The following HIVEP2 variants were observed in gnomAD, a reference collection of about 807,000 sequenced individuals.
The protein encoded by HIVEP2 is transcription factor HIVEP2.
In HIVEP2, 14 loss-of-function variants were observed where a neutral mutation model predicts 180.7. The ratio of observed to expected loss-of-function variants is 0.08; its 90% CI spans 0.05 to 0.12. The LOEUF is 0.12. Ranked by LOEUF, HIVEP2 falls within the 10% of genes least tolerant of loss-of-function variation. The pLI is 1.00. For missense variants in HIVEP2, 2,579 were observed against 3,008.5 expected, an observed-to-expected ratio of 0.86 and a Z score of 3.34; for synonymous variants, 1,184 against 1,136.4, an observed-to-expected ratio of 1.04 and a Z score of -0.84.
chr6:142,889,116 A>G (rs1247728937), intron 1 of HIVEP2, among the ~76,000 whole-genome samples: 1 of 152,222 alleles, frequency 6.6e-6, no homozygotes, highest in Non-Finnish European at 1.5e-5. Flanking sequence ...CTCTCAGCAG[A>G]GTACCTGGCA....
At chr6:142,851,488 T>C (rs1390214460) in intron 1 of HIVEP2, among the ~76,000 whole-genome samples, 1 of 151,980 alleles carries the variant, frequency 6.6e-6, no homozygotes, top group African/African-American at 2.4e-5. Context: ...CAGAGAAAAA[T>C]AAAAGAAAGC....
chr6:142,910,591 A>G (rs1016374780), intron 1 of HIVEP2, among the ~76,000 whole-genome samples: 5 of 152,242 alleles, frequency 3.3e-5, no homozygotes, highest in African/African-American at 1.2e-4. Flanking sequence ...ACACAGCGAG[A>G]CTACGTCTCA....
rs1184394205 is a variant in HIVEP2 at position 142,753,307 on chromosome 6, A to G, written c.7141T>C (p.Cys2381Arg). Residue 2381 changes from cysteine (C) to arginine (R), a missense_variant, in exon 10 of 10, where the codon TGT becomes CGT. Physicochemically the swap from Cys to Arg is radical, Grantham distance 180. This residue lies in a region of HIVEP2 where 660 missense variants were observed against 731.7 expected (regional missense o/e 0.90). Transcript: ENST00000367603. ...HFSRPEPGQP[C>R]TSATHPDLHD... Reference sequence around the variant, plus strand: ...AAGTCAGGGTGGGTGGCTGAGGTACAGGGCTGACCTGGCTCAGGTCTACTA... The same window carrying G: ...AAGTCAGGGTGGGTGGCTGAGGTACGGGGCTGACCTGGCTCAGGTCTACTA... 2 of 1,614,084 alleles carry G rather than the reference A, an allele frequency of 1.2e-6. No individual in the cohort carries two copies. Among genetic ancestry groups the G allele is most frequent in the Non-Finnish European group, 1.7e-6 (2 of 1,180,050 alleles).
intron 2 of HIVEP2, among the ~76,000 whole-genome samples, chr6:142,784,031 A>G (rs1196036554): frequency 6.6e-6 from 1 of 152,220 alleles, no homozygotes; most frequent in Non-Finnish European, 1.5e-5. Flanking sequence ...TATTTCAGCA[A>G]TGTTATACTT....
At chr6:142,900,867 G>A (rs568665930) in intron 1 of HIVEP2, among the ~76,000 whole-genome samples, 10 of 152,246 alleles carry the variant, frequency 6.6e-5, no homozygotes, top group Admixed American at 2.6e-4. Flanking sequence ...TCCCAGCCCC[G>A]TGCTTTGAAT....
At chr6:142,808,280 T>C (rs1776601532) in intron 2 of HIVEP2, among the ~76,000 whole-genome samples, 2 of 152,094 alleles carry the variant, frequency 1.3e-5, no homozygotes, top group Admixed American at 1.3e-4. Context: ...TGAAACTTGA[T>C]ACACAAGAAA....
intron 1 of HIVEP2, among the ~76,000 whole-genome samples, chr6:142,845,000 C>G (rs894780461): frequency 6.6e-6 from 1 of 152,222 alleles, no homozygotes; most frequent in African/African-American, 2.4e-5. Context: ...CCTGGCCTAA[C>G]CTGGACATGG....
chr6:142,769,518 A>G (rs745791339), intron 5 of HIVEP2, 34 bp downstream of exon 5: 57 of 1,572,864 alleles, frequency 3.6e-5, no homozygotes, highest in Non-Finnish European at 4.9e-5. Flanking sequence ...TCAAATCCAC[A>G]ATACAAAGTT....
At chr6:142,831,587 G>A (rs752970372) in intron 2 of HIVEP2, among the ~76,000 whole-genome samples, 3 of 152,132 alleles carry the variant, frequency 2.0e-5, no homozygotes, top group Non-Finnish European at 4.4e-5. Context: ...CATAGTCAGA[G>A]GCCACATGTA....
At position 142,772,245 on chromosome 6, in the gene HIVEP2, A is replaced by AAGGGGT. The variant is rs778786068; in HGVS notation, c.2493_2494insACCCCT (p.Pro831_Ser832insThrPro). 1.2e-6 allele frequency: 2 copies of AAGGGGT among 1,614,148 alleles called. No individual in the cohort carries two copies. Among genetic ancestry groups the AAGGGGT allele is most frequent in the South Asian group, 2.2e-5 (2 of 91,078 alleles). ...TCACTGTCACAAGTCTCTGAAGGGG[A>AAGGGGT]AGGGGCTTTATCCTGTGTGCAAGCC... is the stretch of plus-strand genomic sequence containing the variant. On this transcript the variant is annotated inframe_insertion, in exon 5 of 10. Coordinates refer to ENST00000367603, the MANE Select transcript of HIVEP2 (RefSeq NM_006734.4). The surrounding 1 kb of genome is among the most constrained non-coding windows in gnomAD (Gnocchi z 4.9).
At position 142,771,424 on chromosome 6, in the gene HIVEP2, T is replaced by C. The variant is rs747135789; in HGVS notation, c.3315A>G (p.Gln1105=). The change falls in exon 5 of 10, where the codon CAA becomes CAG. Residue 1105 remains glutamine, a synonymous_variant. Coordinates refer to ENST00000367603, the MANE Select transcript of HIVEP2 (RefSeq NM_006734.4). This position sits in a 1 kb window ranked among gnomAD's most constrained non-coding sequence, Gnocchi z 5.4. ...GEVGMDQSVK[Q]EQLEHLHAGL... is the part of the protein sequence containing the mutation. ...CAGCATGCAGGTGCTCCAGCTGCTCTTGCTTCACGCTCTGATCCATGCCAA... is the reference window on the plus strand; with the variant it reads ...CAGCATGCAGGTGCTCCAGCTGCTCCTGCTTCACGCTCTGATCCATGCCAA... The C allele has an allele frequency of 1.2e-6, 2 of 1,613,592 alleles. No individual in the cohort carries two copies. Among genetic ancestry groups the C allele is most frequent in the South Asian group, 1.1e-5 (1 of 91,088 alleles).
At chr6:142,931,491 A>T (rs138621128) in intron 1 of HIVEP2, among the ~76,000 whole-genome samples, 6 of 152,234 alleles carry the variant, frequency 3.9e-5, no homozygotes, top group Non-Finnish European at 8.8e-5. Flanking sequence ...TAGGAGGTAG[A>T]AAAGGTATGT....
At chr6:142,842,489 C>T (rs1339207142) in intron 1 of HIVEP2, among the ~76,000 whole-genome samples, 2 of 152,024 alleles carry the variant, frequency 1.3e-5, no homozygotes, top group Non-Finnish European at 2.9e-5. Context: ...AAGACCTGAA[C>T]GTCTGTGTGT....
intron 7 of HIVEP2, among the ~76,000 whole-genome samples, chr6:142,762,021 T>A (rs998208216): frequency 6.6e-6 from 1 of 152,170 alleles, no homozygotes; most frequent in Non-Finnish European, 1.5e-5. Flanking sequence ...CTGTGACTGA[T>A]CAGGTACAGA....
chr6:142,923,179 A>C (rs967785384), intron 1 of HIVEP2, among the ~76,000 whole-genome samples: 2 of 152,132 alleles, frequency 1.3e-5, no homozygotes, highest in African/African-American at 4.8e-5. Flanking sequence ...CTAAAAATAC[A>C]AAAATTAGCC....
At chr6:142,829,863 G>A (rs1236777595) in intron 2 of HIVEP2, among the ~76,000 whole-genome samples, 1 of 152,188 alleles carries the variant, frequency 6.6e-6, no homozygotes, top group Non-Finnish European at 1.5e-5. Flanking sequence ...ATTTATTTGT[G>A]CACAAAACAT....
At position 142,770,045 on chromosome 6, in the gene HIVEP2, G is replaced by A; in HGVS notation, c.4694C>T (p.Ser1565Phe). 3 of 1,614,208 alleles carry A rather than the reference G, an allele frequency of 1.9e-6. No homozygotes were observed. Among genetic ancestry groups the A allele is most frequent in the South Asian group, 2.2e-5 (2 of 91,084 alleles). Residue 1565 changes from serine (S) to phenylalanine (F), a missense_variant, in exon 5 of 10, where the codon TCT becomes TTT. Around this residue, in one of 11 missense-constraint regions of HIVEP2, gnomAD observed 349 missense variants for 367.2 expected, o/e 0.95. Coordinates refer to ENST00000367603, the MANE Select transcript of HIVEP2 (RefSeq NM_006734.4). This position sits in a 1 kb window ranked among gnomAD's most constrained non-coding sequence, Gnocchi z 4.7. ...KSSGPSESKE[S>F]SDELDIDETA... ...CTCATCGATATCTAATTCATCTGAA[G>A]ATTCTTTGCTTTCAGAAGGCCCACT... is the stretch of plus-strand genomic sequence containing the variant.
chr6:142,937,796 G>A (rs1326271376), intron 1 of HIVEP2, among the ~76,000 whole-genome samples: 1 of 152,136 alleles, frequency 6.6e-6, no homozygotes, highest in Admixed American at 6.5e-5. Context: ...CTTTCCGAAT[G>A]GAAGTTTCTT....
intron 2 of HIVEP2, among the ~76,000 whole-genome samples, chr6:142,831,582 T>C (rs548933707): frequency 6.6e-6 from 1 of 152,354 alleles, no homozygotes; most frequent in East Asian, 1.9e-4. Context: ...TCCCTCATAG[T>C]CAGAGGCCAC....
Sources: gnomAD v4.1 joint callset for allele counts (sites outside exome capture counted in the v4.1 genomes callset) on GRCh38, gnomAD v4.1.1 for gene constraint, gnomAD v4.1.1 regional missense constraint, Gnocchi (gnomAD v3.1) non-coding constraint, MANE v1.5 for transcripts, NCBI Gene and HGNC (gene_info 2026-07-23, HGNC 2026-07-21) for gene names.